The following C1orf122 variants were observed in gnomAD, a reference collection of about 807,000 sequenced individuals.
C1orf122 encodes the protein chromosome 1 open reading frame 122.
In C1orf122, 12 loss-of-function variants were observed where a neutral mutation model predicts 12.9. The observed-to-expected ratio is 0.93, with a 90% CI of 0.60 to 1.51. The LOEUF (loss-of-function observed/expected upper bound fraction) is 1.51, where lower values mean the gene tolerates loss of function less well. Ranked by LOEUF, C1orf122 falls within the 40% of genes most tolerant of loss-of-function variation. The pLI, the probability that C1orf122 is intolerant of heterozygous loss-of-function variation, is 0.00. For synonymous variants in C1orf122, 57 were observed against 73.4 expected (o/e 0.78, Z 1.14); for missense variants, 144 against 162.1 (o/e 0.89, Z 0.61).
At position 37,808,185 on chromosome 1, in the gene C1orf122, C is replaced by T; in HGVS notation, c.-220C>T. On this transcript the variant is annotated 5_prime_UTR_variant, in exon 1 of 3. Coordinates refer to ENST00000373042, the MANE Select transcript of C1orf122 (RefSeq NM_198446.3). ...GCACCGACGCGCCGGAGACATCCGC[C>T]CAGGCCCGCTTCCGGGAGGAAGTGA... is the stretch of plus-strand genomic sequence containing the variant. 2 of 1,439,718 alleles carry T rather than the reference C, an allele frequency of 1.4e-6. No homozygotes were observed. Among genetic ancestry groups the T allele is most frequent in the Non-Finnish European group, 1.8e-6 (2 of 1,101,014 alleles). 89.2% of individuals were successfully genotyped at this position (1,439,718 alleles called of 1,614,324 possible).
Position 37,807,824 on chromosome 1 carries a change from G to C in C1orf122, c.-581G>C, listed in dbSNP as rs143181596. The stretch of plus-strand genomic sequence containing the variant: ...CGTCGGCCACGCGGCCGAGGCATAC[G>C]GCCAGAGGCTTGGCCTCGCTGCGAC... On this transcript the variant is annotated 5_prime_UTR_variant, in exon 1 of 3. Coordinates refer to ENST00000373042, the MANE Select transcript of C1orf122 (RefSeq NM_198446.3). The C allele has an allele frequency of 4.0e-6, 6 of 1,511,258 alleles. No homozygotes were observed. The South Asian group carries it at 7.2e-5, about 18-fold the overall frequency. 93.6% of individuals were successfully genotyped at this position (1,511,258 alleles called of 1,614,324 possible).
At position 37,808,154 on chromosome 1, in the gene C1orf122, C is replaced by A. The variant is rs1023210520; in HGVS notation, c.-251C>A. On this transcript the variant is annotated 5_prime_UTR_variant, in exon 1 of 3. Transcript: ENST00000373042. ...CGCTGGCAGCCACCGCGGCCCTCAT[C>A]CCCCTGCACCGACGCGCCGGAGACA... The A allele has an allele frequency of 1.3e-4, 194 of 1,465,848 alleles. No individual in the cohort carries two copies. The African/African-American group carries it at 2.4e-3, about 18-fold the overall frequency. The allele number at this position is 1,465,848 out of a possible 1,614,324, so 90.8% of individuals were successfully genotyped here. A position where few individuals can be genotyped will look rare whatever the true frequency, so the allele number is the denominator to read the frequency against.
In C1orf122 at chr1:37,808,128, A is replaced by C; in HGVS notation, c.-277A>C. 6.8e-7 allele frequency: 1 copy of C among 1,468,310 alleles called. No homozygotes were observed. The highest frequency in any genetic ancestry group is 9.0e-7 in the Non-Finnish European group (1 of 1,116,644). 91.0% of individuals were successfully genotyped at this position (1,468,310 alleles called of 1,614,324 possible). A position where few individuals can be genotyped will look rare whatever the true frequency, so the allele number is the denominator to read the frequency against. ...GCCAGCAGGCCCCTCGCTCAACCCC[A>C]CGCTGGCAGCCACCGCGGCCCTCAT... On this transcript the variant is annotated 5_prime_UTR_variant, in exon 1 of 3. Transcript: ENST00000373042.
Position 37,808,595 on chromosome 1 carries a change from C to A in C1orf122, c.100C>A (p.Pro34Thr). ...LGLGGRPPPQ[P>T]PREERAQQLL... is the part of the protein sequence containing the mutation. ...GCTCGGCGGGAGGCCACCCCCACAGCCGCCCCGGGAGGAGCGCGCCCAGCA... is the reference window on the plus strand; with the variant it reads ...GCTCGGCGGGAGGCCACCCCCACAGACGCCCCGGGAGGAGCGCGCCCAGCA... The change falls in exon 2 of 3, where the codon CCG becomes ACG. Residue 34 changes from proline to threonine, a missense_variant. Pro to Thr is a conservative substitution (Grantham distance 38). Transcript: ENST00000373042. 1 of 1,295,352 alleles carries A rather than the reference C, an allele frequency of 7.7e-7. No homozygotes were observed. The highest frequency in any genetic ancestry group is 9.8e-7 in the Non-Finnish European group (1 of 1,023,106). 80.2% of individuals were successfully genotyped at this position (1,295,352 alleles called of 1,614,324 possible).
Position 37,809,108 on chromosome 1 carries a change from T to A in C1orf122, c.*35T>A, listed in dbSNP as rs779564869. On this transcript the variant is annotated 3_prime_UTR_variant, in exon 3 of 3. Coordinates refer to ENST00000373042, the MANE Select transcript of C1orf122 (RefSeq NM_198446.3). ...AGCAGAATACCCTGACTTCTCTCCCTCCCCAGGGCCGGTGGCTGGACTCTG... is the reference window on the plus strand; with the variant it reads ...AGCAGAATACCCTGACTTCTCTCCCACCCCAGGGCCGGTGGCTGGACTCTG... 21 of 1,607,452 alleles carry A rather than the reference T, an allele frequency of 1.3e-5. No individual in the cohort carries two copies. The African/African-American group carries it at 2.7e-4, about 20-fold the overall frequency.
Position 37,807,810 on chromosome 1 carries a change from C to G in C1orf122, c.-595C>G. On this transcript the variant is annotated 5_prime_UTR_variant, in exon 1 of 3. Coordinates refer to ENST00000373042, the MANE Select transcript of C1orf122 (RefSeq NM_198446.3). The stretch of plus-strand genomic sequence containing the variant: ...GCCTTACCTGTAGACGTCGGCCACG[C>G]GGCCGAGGCATACGGCCAGAGGCTT... 1 of 1,509,688 alleles carries G rather than the reference C, an allele frequency of 6.6e-7. No individual in the cohort carries two copies. The highest frequency in any genetic ancestry group is 8.8e-7 in the Non-Finnish European group (1 of 1,133,570). 93.5% of individuals were successfully genotyped at this position (1,509,688 alleles called of 1,614,324 possible). A position where few individuals can be genotyped will look rare whatever the true frequency, so the allele number is the denominator to read the frequency against.
Position 37,808,983 on chromosome 1 carries a change from C to T in C1orf122, c.243C>T (p.Val81=), listed in dbSNP as rs1244075444. 4.3e-6 allele frequency: 7 copies of T among 1,613,318 alleles called. No individual in the cohort carries two copies. The highest frequency in any genetic ancestry group is 5.9e-6 in the Non-Finnish European group (7 of 1,179,938). ...TTCCTTTCTGTTCCAACTAGAACGT[C>T]TCAGCCAAACCTGGAGCGCCCCCCC... ...RRPEPAGGGN[V]SAKPGAPPQP... is the part of the protein sequence containing the mutation. Residue 81 remains valine, a synonymous_variant, in exon 3 of 3, where the codon GTC becomes GTT. Transcript: ENST00000373042.
chr1:37,809,010 G>T lies in C1orf122; in HGVS notation c.270G>T (p.Gln90His), dbSNP rs1186210080. 6.2e-7 allele frequency: 1 copy of T among 1,613,816 alleles called. No homozygotes were observed. Among genetic ancestry groups the T allele is most frequent in the Non-Finnish European group, 8.5e-7 (1 of 1,180,020 alleles). ...CAGCCAAACCTGGAGCGCCCCCCCA[G>T]CCGGCTGTCTCCGCCAGAGGCGGCT... The part of the protein sequence containing the change: ...NVSAKPGAPP[Q>H]PAVSARGGFP... The change falls in exon 3 of 3, where the codon CAG (glutamine) becomes CAT (histidine). Residue 90 changes from glutamine (Q) to histidine (H), a missense_variant. By Grantham distance (24) the Gln-to-His change is conservative. Transcript: ENST00000373042.
In C1orf122 at chr1:37,808,387, CG is replaced by C; in HGVS notation, c.-15del. On this transcript the variant is annotated 5_prime_UTR_variant, in exon 1 of 3. Coordinates refer to ENST00000373042, the MANE Select transcript of C1orf122 (RefSeq NM_198446.3). ...GGGCGGCCGAAAGGGGGGCGGTGGT[CG>C]GGCCGCGCAAGCGGAGATGGAATGG... 1 of 1,282,394 alleles carries C rather than the reference CG, an allele frequency of 7.8e-7. No individual in the cohort carries two copies. The highest frequency in any genetic ancestry group is 9.8e-7 in the Non-Finnish European group (1 of 1,016,112). 79.4% of individuals were successfully genotyped at this position (1,282,394 alleles called of 1,614,324 possible). A position where few individuals can be genotyped will look rare whatever the true frequency, so the allele number is the denominator to read the frequency against.
At position 37,807,842 on chromosome 1, in the gene C1orf122, G is replaced by C. The variant is rs1249175617; in HGVS notation, c.-563G>C. On this transcript the variant is annotated 5_prime_UTR_variant, in exon 1 of 3. Coordinates refer to ENST00000373042, the MANE Select transcript of C1orf122 (RefSeq NM_198446.3). ...GGCATACGGCCAGAGGCTTGGCCTC[G>C]CTGCGACCCTTGAGGCGGTACACAG... The C allele has an allele frequency of 2.0e-6, 3 of 1,507,642 alleles. No individual in the cohort carries two copies. Among genetic ancestry groups the C allele is most frequent in the South Asian group, 1.2e-5 (1 of 82,840 alleles). The allele number at this position is 1,507,642 out of a possible 1,614,324, so 93.4% of individuals were successfully genotyped here.
chr1:37,809,338 C>G lies in C1orf122; in HGVS notation c.*265C>G. 1.8e-6 allele frequency: 1 copy of G among 558,762 alleles called. No individual in the cohort carries two copies. Among genetic ancestry groups the G allele is most frequent in the East Asian group, 3.2e-5 (1 of 31,434 alleles). The allele number at this position is 558,762 out of a possible 1,614,324, so 34.6% of individuals were successfully genotyped here. ...GACCAGCAGTGCTCGCCAGAGTGGTCTGGCCTGCTATGGGGGATCCAGGTG... is the reference window on the plus strand; with the variant it reads ...GACCAGCAGTGCTCGCCAGAGTGGTGTGGCCTGCTATGGGGGATCCAGGTG... On this transcript the variant is annotated 3_prime_UTR_variant, in exon 3 of 3. Transcript: ENST00000373042.
rs578235508 is a variant in C1orf122 at position 37,808,176 on chromosome 1, G to A, written c.-229G>A. ...CATCCCCCTGCACCGACGCGCCGGA[G>A]ACATCCGCCCAGGCCCGCTTCCGGG... is the stretch of plus-strand genomic sequence containing the variant. On this transcript the variant is annotated 5_prime_UTR_variant, in exon 1 of 3. Coordinates refer to ENST00000373042, the MANE Select transcript of C1orf122 (RefSeq NM_198446.3). The A allele has an allele frequency of 2.1e-6, 3 of 1,454,104 alleles. No homozygotes were observed. The highest frequency in any genetic ancestry group is 2.7e-6 in the Non-Finnish European group (3 of 1,107,328). The allele number at this position is 1,454,104 out of a possible 1,614,324, so 90.1% of individuals were successfully genotyped here. A position where few individuals can be genotyped will look rare whatever the true frequency, so the allele number is the denominator to read the frequency against.
chr1:37,809,029 G>C lies in C1orf122; in HGVS notation c.289G>C (p.Gly97Arg). 1 of 1,613,974 alleles carries C rather than the reference G, an allele frequency of 6.2e-7. No individual in the cohort carries two copies. The change falls in exon 3 of 3, where the codon GGC becomes CGC. Residue 97 changes from glycine (G) to arginine (R), a missense_variant. Transcript: ENST00000373042. ...CCCCCAGCCGGCTGTCTCCGCCAGA[G>C]GCGGCTTTCCAAAGGATGCTGGCGA... ...APPQPAVSAR[G>R]GFPKDAGDGA...
At chr1:37,808,788 G>A in intron 2 of C1orf122, 56 bp downstream of exon 2, 1 of 1,467,672 alleles carries the variant, frequency 6.8e-7, no homozygotes, top group East Asian at 2.4e-5. Flanking sequence ...CACTGGCTAG[G>A]CTGGCCAAGC....
chr1:37,809,011 C>G lies in C1orf122; in HGVS notation c.271C>G (p.Pro91Ala). The G allele has an allele frequency of 6.2e-7, 1 of 1,613,832 alleles. No individual in the cohort carries two copies. Among genetic ancestry groups the G allele is most frequent in the Non-Finnish European group, 8.5e-7 (1 of 1,180,014 alleles). ...AGCCAAACCTGGAGCGCCCCCCCAG[C>G]CGGCTGTCTCCGCCAGAGGCGGCTT... ...VSAKPGAPPQ[P>A]AVSARGGFPK... The change falls in exon 3 of 3, where the codon CCG (proline) becomes GCG (alanine). Residue 91 changes from proline to alanine, a missense_variant. Transcript: ENST00000373042.
chr1:37,809,062 G>GC lies in C1orf122; in HGVS notation c.323dup (p.Glu109GlyfsTer51), dbSNP rs1199429249. ...TCCAAAGGATGCTGGCGATGGAGCTGCGGAGCCCTGACCATCCCCGAGCAG... is the reference window on the plus strand; with the variant it reads ...TCCAAAGGATGCTGGCGATGGAGCTGCCGGAGCCCTGACCATCCCCGAGCAG... On this transcript the variant is annotated frameshift_variant, in exon 3 of 3. Coordinates refer to ENST00000373042, the MANE Select transcript of C1orf122 (RefSeq NM_198446.3). LOFTEE classifies it high-confidence loss of function. 1.9e-6 allele frequency: 3 copies of GC among 1,614,050 alleles called. No homozygotes were observed. The highest frequency in any genetic ancestry group is 2.5e-6 in the Non-Finnish European group (3 of 1,180,024).
chr1:37,808,787 G>C (rs1378588038), intron 2 of C1orf122, 55 bp downstream of exon 2: 12 of 1,467,776 alleles, frequency 8.2e-6, no homozygotes, highest in Non-Finnish European at 1.1e-5. Context: ...CCACTGGCTA[G>C]GCTGGCCAAG....
rs1454944785 is a variant in C1orf122 at position 37,808,446 on chromosome 1, G to A, written c.35+7G>A. On this transcript the variant is annotated splice_region_variant and intron_variant, in intron 1 of 2. Coordinates refer to ENST00000373042, the MANE Select transcript of C1orf122 (RefSeq NM_198446.3). Reference sequence around the variant, plus strand: ...GCTCAGACTGGTCACGGGGGTGAGAGGGGGCCCGTCGGGGCGGGAGGAAGG... The same window carrying A: ...GCTCAGACTGGTCACGGGGGTGAGAAGGGGCCCGTCGGGGCGGGAGGAAGG... The A allele has an allele frequency of 9.4e-6, 12 of 1,279,604 alleles. No individual in the cohort carries two copies. Among genetic ancestry groups the A allele is most frequent in the Non-Finnish European group, 1.2e-5 (12 of 1,014,496 alleles). 79.3% of individuals were successfully genotyped at this position (1,279,604 alleles called of 1,614,324 possible). A position where few individuals can be genotyped will look rare whatever the true frequency, so the allele number is the denominator to read the frequency against.
chr1:37,808,362 G>T lies in C1orf122; in HGVS notation c.-43G>T. 1 of 1,286,206 alleles carries T rather than the reference G, an allele frequency of 7.8e-7. No individual in the cohort carries two copies. The highest frequency in any genetic ancestry group is 9.8e-7 in the Non-Finnish European group (1 of 1,018,304). 79.7% of individuals were successfully genotyped at this position (1,286,206 alleles called of 1,614,324 possible). A position where few individuals can be genotyped will look rare whatever the true frequency, so the allele number is the denominator to read the frequency against. On this transcript the variant is annotated 5_prime_UTR_variant, in exon 1 of 3. Transcript: ENST00000373042. ...AGCCCTAACGCAGCGCTGGGGAGGGGGGCGGCCGAAAGGGGGGCGGTGGTC... is the reference window on the plus strand; with the variant it reads ...AGCCCTAACGCAGCGCTGGGGAGGGTGGCGGCCGAAAGGGGGGCGGTGGTC...
Sources: allele counts gnomAD v4.1 joint callset, GRCh38; gene constraint gnomAD v4.1.1; transcripts MANE v1.5; gene names NCBI Gene and HGNC (gene_info 2026-07-23, HGNC 2026-07-21).